Variants in PDE1A observed in about 807,000 individuals in gnomAD.
PDE1A encodes the protein dual specificity calcium/calmodulin-dependent 3',5'-cyclic nucleotide phosphodiesterase 1A.
In PDE1A, 35 loss-of-function variants were observed where a neutral mutation model predicts 61.7. The observed-to-expected ratio is 0.57, with a 90% confidence interval of 0.43 to 0.75. The LOEUF (loss-of-function observed/expected upper bound fraction) is 0.75. Among genes scored for constraint, PDE1A ranks in the 30% least tolerant of loss-of-function variants. The pLI is 0.00. For missense variants in PDE1A, 597 were observed against 630.6 expected, an observed-to-expected ratio of 0.95 and a Z score of 0.57; for synonymous variants, 232 against 213.2, an observed-to-expected ratio of 1.09 and a Z score of -0.77.
the PDE1A span, among the ~76,000 whole-genome samples, chr2:182,540,526 A>T: frequency 6.6e-6 from 1 of 152,140 alleles, no homozygotes; most frequent in Non-Finnish European, 1.5e-5. Flanking sequence ...ATCTTGCCAA[A>T]TTATTAAATT....
chr2:182,376,052 A>T (rs1254594339), intron 1 of PDE1A, among the ~76,000 whole-genome samples: 1 of 151,894 alleles, frequency 6.6e-6, no homozygotes, highest in Admixed American at 6.6e-5. Context: ...TTCCTCCTAG[A>T]CCTCCAGGTC....
chr2:182,511,899 C>T (rs923092328), intron 2 of PDE1A, among the ~76,000 whole-genome samples: 1 of 152,128 alleles, frequency 6.6e-6, no homozygotes, highest in Non-Finnish European at 1.5e-5. Context: ...AGTGCACACC[C>T]ATCTGCCGCT....
intron 13 of PDE1A, among the ~76,000 whole-genome samples, chr2:182,172,657 C>G (rs1692340057): frequency 6.6e-6 from 1 of 152,008 alleles, no homozygotes; most frequent in African/African-American, 2.4e-5. Flanking sequence ...ATATGATAAG[C>G]AGTCTAACTA....
intron 1 of PDE1A, among the ~76,000 whole-genome samples, chr2:182,323,697 C>T (rs1266318498): frequency 2.0e-5 from 3 of 152,086 alleles, no homozygotes; most frequent in Non-Finnish European, 4.4e-5. Flanking sequence ...GTCTGGCTAT[C>T]GTCAATGAAT....
chr2:182,546,558 A>G, the PDE1A span, among the ~76,000 whole-genome samples: 2 of 152,210 alleles, frequency 1.3e-5, no homozygotes, highest in Non-Finnish European at 2.9e-5. Context: ...CGAAGCATCG[A>G]TCACTCACAA....
At chr2:182,513,657 G>T (rs911959230) in intron 2 of PDE1A, among the ~76,000 whole-genome samples, 6 of 152,316 alleles carry the variant, frequency 3.9e-5, no homozygotes, top group Non-Finnish European at 8.8e-5. Context: ...GTGGCAAGTT[G>T]GATAAAGAAG....
At chr2:182,639,063 A>G in the PDE1A span, among the ~76,000 whole-genome samples, 2 of 152,236 alleles carry the variant, frequency 1.3e-5, no homozygotes, top group African/African-American at 4.8e-5. Context: ...AAACAGAAAG[A>G]GCAGGAAAAC....
intron 1 of PDE1A, among the ~76,000 whole-genome samples, chr2:182,403,837 G>GT (rs1702152270): frequency 6.6e-6 from 1 of 152,036 alleles, no homozygotes; most frequent in East Asian, 1.9e-4. Flanking sequence ...CTGTCAGGGG[G>GT]TGGGGGGCTA....
intron 1 of PDE1A, among the ~76,000 whole-genome samples, chr2:182,395,395 G>A (rs559264462): frequency 6.6e-6 from 1 of 152,272 alleles, no homozygotes; most frequent in African/African-American, 2.4e-5. Flanking sequence ...GGACTTATTG[G>A]TGAGACATTT....
At chr2:182,266,852 A>G (rs1201452231) in intron 1 of PDE1A, among the ~76,000 whole-genome samples, 1 of 152,196 alleles carries the variant, frequency 6.6e-6, no homozygotes, top group Non-Finnish European at 1.5e-5. Flanking sequence ...GGTAGAAAAG[A>G]AAAAATGGAA....
At chr2:182,293,818 C>T (rs931498609) in intron 1 of PDE1A, among the ~76,000 whole-genome samples, 2 of 152,010 alleles carry the variant, frequency 1.3e-5, no homozygotes, top group African/African-American at 4.8e-5. Context: ...TATGATGATG[C>T]GAGATGATAA....
chr2:182,160,748 A>G (rs1462710027), intron 13 of PDE1A, among the ~76,000 whole-genome samples: 2 of 152,084 alleles, frequency 1.3e-5, no homozygotes, highest in Non-Finnish European at 2.9e-5. Context: ...TGCCTTTGTG[A>G]CAGTGTGAGC....
chr2:182,626,726 T>C, the PDE1A span, among the ~76,000 whole-genome samples: 1 of 12,770 alleles, frequency 7.8e-5, no homozygotes, highest in Non-Finnish European at 3.0e-4. Flanking sequence ...TTTATATATA[T>C]ATATATATAT....
chr2:182,445,606 C>T (rs1685083060), intron 2 of PDE1A, among the ~76,000 whole-genome samples: 1 of 152,028 alleles, frequency 6.6e-6, no homozygotes, highest in Non-Finnish European at 1.5e-5. Context: ...GAGGAAAATA[C>T]ATAACACAGG....
chr2:182,517,965 C>T (rs1036009148), intron 2 of PDE1A, among the ~76,000 whole-genome samples: 13 of 152,090 alleles, frequency 8.5e-5, no homozygotes, highest in African/African-American at 2.9e-4. Flanking sequence ...AAAATGAGCA[C>T]AGGAAAAGGG....
At position 182,303,397 on chromosome 2, in the gene PDE1A, T is replaced by C. The variant is rs188645809; in HGVS notation, c.54-38983A>G. 2.2e-4 allele frequency among the ~76,000 whole-genome samples: 34 copies of C among 152,284 alleles called. No homozygotes were observed. The East Asian group carries it at 4.8e-3, about 22-fold the overall frequency. ...AGTGACTAGGTGCATTGTCAATGAG[T>C]AGTGACATTTGAAATGAAATCTTGT... is the stretch of plus-strand genomic sequence containing the variant. On this transcript the variant is annotated intron_variant, in intron 1 of 13. Transcript: ENST00000351439.
At chr2:182,224,465 G>A (rs1688979712) in intron 6 of PDE1A, among the ~76,000 whole-genome samples, 1 of 151,856 alleles carries the variant, frequency 6.6e-6, no homozygotes, top group Non-Finnish European at 1.5e-5. Context: ...AGAAGTTTCT[G>A]AAATTCACAA....
intron 2 of PDE1A, among the ~76,000 whole-genome samples, chr2:182,493,869 G>A (rs1688549646): frequency 6.6e-6 from 1 of 152,120 alleles, no homozygotes; most frequent in Non-Finnish European, 1.5e-5. Flanking sequence ...TGAACTCCTG[G>A]CCTCAAGTGA....
chr2:182,183,357 T>C (rs567439476), intron 13 of PDE1A, among the ~76,000 whole-genome samples: 1 of 152,234 alleles, frequency 6.6e-6, no homozygotes, highest in Non-Finnish European at 1.5e-5. Flanking sequence ...GACATTCAGG[T>C]AAAAACAGCA....
Sources: gnomAD v4.1 joint callset for allele counts (sites outside exome capture counted in the v4.1 genomes callset) on GRCh38, gnomAD v4.1.1 for gene constraint, MANE v1.5 for transcripts, NCBI Gene and HGNC (gene_info 2026-07-23, HGNC 2026-07-21) for gene names.